NUGGC: variants seen among roughly 807,000 people sequenced by gnomAD.
NUGGC encodes nuclear GTPase SLIP-GC.
In NUGGC, 58 loss-of-function variants were observed where a neutral mutation model predicts 92.6. The observed-to-expected ratio is 0.63, with a 90% CI of 0.51 to 0.78. NUGGC has a LOEUF of 0.78. Ranked by LOEUF, NUGGC falls within the 30% of genes least tolerant of loss-of-function variation. The pLI is 0.00. For synonymous variants in NUGGC, 376 were observed against 366.4 expected (o/e 1.03, Z -0.30); for missense variants, 925 against 964.6 (o/e 0.96, Z 0.54).
At chr8:28,040,123 G>A (rs1585563764) in intron 13 of NUGGC, among the ~76,000 whole-genome samples, 1 of 152,250 alleles carries the variant, frequency 6.6e-6, no homozygotes, top group East Asian at 1.9e-4. Flanking sequence ...AGAACTATGG[G>A]AAAATCGATG....
Position 28,058,273 on chromosome 8 carries a change from T to C in NUGGC, c.1101A>G (p.Glu367=). ...TCATACTTACATTTCCTGCCTTTCT[T>C]TCCCTGAAATGAAATTAGAAAAATG... The part of the protein sequence containing the change: ...DKLHLPEYLR[E]RKAGNQAIQS... Residue 367 remains glutamate, a synonymous_variant, in exon 9 of 19, where the codon GAA becomes GAG. Transcript: ENST00000413272. The C allele has an allele frequency of 3.9e-6, 2 of 514,860 alleles. No homozygotes were observed. Among genetic ancestry groups the C allele is most frequent in the Non-Finnish European group, 6.1e-6 (2 of 330,182 alleles). The allele number at this position is 514,860 out of a possible 1,614,324, so 31.9% of individuals were successfully genotyped here.
chr8:28,076,944 C>T (rs1002876959), intron 1 of NUGGC, among the ~76,000 whole-genome samples: 2 of 152,202 alleles, frequency 1.3e-5, no homozygotes, highest in African/African-American at 4.8e-5. Context: ...ATGGAATGAG[C>T]TCCCTTAGGA....
At chr8:28,027,175 GC>G in intron 17 of NUGGC, 123 bp from the exon 18 acceptor site, 1 of 743,570 alleles carries the variant, frequency 1.3e-6, no homozygotes, top group South Asian at 1.6e-5. Context: ...CCAAAGTCAG[GC>G]TTTGCAACCC....
At chr8:28,060,656 A>G (rs1810280458) in intron 7 of NUGGC, 55 bp from the exon 8 acceptor site, 31 of 1,518,158 alleles carry the variant, frequency 2.0e-5, no homozygotes, top group Non-Finnish European at 2.6e-5. Context: ...ACAGTTCCTG[A>G]GGACCGGTTC....
At chr8:28,061,808 A>G (rs867821498) in intron 7 of NUGGC, among the ~76,000 whole-genome samples, 3 of 152,154 alleles carry the variant, frequency 2.0e-5, no homozygotes, top group African/African-American at 7.2e-5. Context: ...CTTGAAGGTA[A>G]AGGCCGAGGA....
intron 5 of NUGGC, 50 bp downstream of exon 5, chr8:28,068,166 G>A: frequency 8.7e-7 from 1 of 1,144,966 alleles, no homozygotes; most frequent in Non-Finnish European, 1.3e-6. Flanking sequence ...AGGAAGAAAG[G>A]AAGGAAAAAG....
At chr8:28,049,578 ATAAAGG>A (rs1195932634) in intron 10 of NUGGC, among the ~76,000 whole-genome samples, 1 of 152,242 alleles carries the variant, frequency 6.6e-6, no homozygotes, top group Non-Finnish European at 1.5e-5. Context: ...TGACTCTAGT[ATAAAGG>A]GTTCATATTA....
intron 9 of NUGGC, among the ~76,000 whole-genome samples, chr8:28,057,913 C>T (rs534876995): frequency 2.6e-5 from 4 of 152,042 alleles, no homozygotes; most frequent in East Asian, 1.9e-4. Context: ...TAGTTCAGGC[C>T]GGGCGCGGTG....
At chr8:28,029,186 C>A in intron 17 of NUGGC, 80 bp downstream of exon 17, 1 of 1,460,098 alleles carries the variant, frequency 6.8e-7, no homozygotes, top group East Asian at 2.5e-5. Flanking sequence ...GCCTACTATG[C>A]CTTCCACCTT....
chr8:28,071,494 A>T (rs1292016671), intron 2 of NUGGC, among the ~76,000 whole-genome samples: 4 of 152,092 alleles, frequency 2.6e-5, no homozygotes, highest in African/African-American at 7.2e-5. Context: ...ATTTGGGGAA[A>T]TTTTTTCCCT....
Position 28,031,408 on chromosome 8 carries a change from T to C in NUGGC, c.1770-27A>G, listed in dbSNP as rs775299483. 4 of 1,609,778 alleles carry C rather than the reference T, an allele frequency of 2.5e-6. No homozygotes were observed. In the South Asian group the frequency reaches 3.3e-5, roughly 13 times the overall value. ...TACGGAAGAAAGTGACAAAAAAGTT[T>C]AAGAGAATGGTGGCTGCTGTGAGGC... is the stretch of plus-strand genomic sequence containing the variant. On this transcript the variant is annotated intron_variant, in intron 14 of 18. Coordinates refer to ENST00000413272, the MANE Select transcript of NUGGC (RefSeq NM_001010906.2).
In NUGGC at chr8:28,082,772, A is replaced by G. The variant is rs139303828; in HGVS notation, c.-47+1003T>C. Among the ~76,000 whole-genome samples, 1,504 of 152,044 alleles carry G rather than the reference A, an allele frequency of 9.9e-3. 25 individuals carry two copies. Among genetic ancestry groups the G allele is most frequent in the African/African-American group, 0.034 (1,419 of 41,454 alleles). ...TTTTTTTTAATTAGCTGGGCATGGC[A>G]GCATGTATCTGTAGTCCCAGTTATT... On this transcript the variant is annotated intron_variant, in intron 1 of 18. Transcript: ENST00000413272.
intron 12 of NUGGC, among the ~76,000 whole-genome samples, chr8:28,043,861 C>T (rs909748707): frequency 1.3e-5 from 2 of 152,178 alleles, no homozygotes; most frequent in South Asian, 4.1e-4. Context: ...GAAGGTCAAA[C>T]CCTTCCCCAA....
intron 15 of NUGGC, 108 bp downstream of exon 15, chr8:28,031,135 C>A: frequency 7.6e-7 from 1 of 1,308,848 alleles, no homozygotes. Context: ...TACTCCCAGA[C>A]CCTGGATACT....
intron 10 of NUGGC, 73 bp downstream of exon 10, chr8:28,055,892 C>G: frequency 1.3e-6 from 1 of 798,684 alleles, no homozygotes; most frequent in South Asian, 1.7e-5. Context: ...TACACAATAC[C>G]AGGCATACAT....
Position 28,045,572 on chromosome 8 carries a change from G to A in NUGGC, c.1401C>T (p.Gly467=), listed in dbSNP as rs933561098. ...TGAAACTATCTGTGAGGAGCAACAG[G>A]CCAAAGGCTTCAGTCACATACTTGG... ...TVTKYVTEAF[G]LLLLTDSFNS... is the part of the protein sequence containing the mutation. Residue 467 remains glycine (G), a synonymous_variant, in exon 12 of 19, where the codon GGC becomes GGT. Transcript: ENST00000413272. 10 of 1,612,800 alleles carry A rather than the reference G, an allele frequency of 6.2e-6. No individual in the cohort carries two copies. The highest frequency in any genetic ancestry group is 8.5e-6 in the Non-Finnish European group (10 of 1,179,766).
chr8:28,059,173 G>A (rs1305578130), intron 8 of NUGGC, among the ~76,000 whole-genome samples: 2 of 152,162 alleles, frequency 1.3e-5, no homozygotes, highest in Non-Finnish European at 2.9e-5. Flanking sequence ...GCTTCAGTGG[G>A]TGTGGAGGAA....
chr8:28,037,043 C>A (rs4732806), intron 13 of NUGGC, among the ~76,000 whole-genome samples: 53,591 of 151,908 alleles, frequency 0.35, 9,945 homozygotes, highest in East Asian at 0.47. Context: ...GCTGTACATA[C>A]AGCTCGCTCA....
rs1362495326 is a variant in NUGGC, at chr8:28,047,498, A to G, written c.1312+9T>C. On this transcript the variant is annotated intron_variant, in intron 11 of 18. Coordinates refer to ENST00000413272, the MANE Select transcript of NUGGC (RefSeq NM_001010906.2). ...TTTTAGTGATGGAGATTTAAAAAAC[A>G]TAAATTACCCGTTTCCTCCTCGGTG... 2.7e-5 allele frequency: 40 copies of G among 1,507,038 alleles called. No individual in the cohort carries two copies. Among genetic ancestry groups the G allele is most frequent in the Non-Finnish European group, 3.5e-5 (39 of 1,108,418 alleles). The allele number at this position is 1,507,038 out of a possible 1,614,324, so 93.4% of individuals were successfully genotyped here.
Sources: allele counts gnomAD v4.1 joint callset (sites outside exome capture counted in the v4.1 genomes callset), GRCh38; gene constraint gnomAD v4.1.1; transcripts MANE v1.5; gene names NCBI Gene and HGNC (gene_info 2026-07-23, HGNC 2026-07-21).